HYCC1: variants seen among roughly 807,000 people sequenced by gnomAD.
HYCC1 encodes the protein hyccin PI4KA lipid kinase complex subunit 1.
chr7:22,931,527 G>A, the HYCC1 span, among the ~76,000 whole-genome samples: 1 of 152,168 alleles, frequency 6.6e-6, no homozygotes, highest in Admixed American at 6.6e-5. Flanking sequence ...GGTAGAGGCT[G>A]AAAGAATTTT....
the HYCC1 span, chr7:22,943,527 C>A: frequency 6.6e-6 from 1 of 152,116 alleles, no homozygotes; most frequent in South Asian, 2.1e-4. Context: ...AATGAGGTTC[C>A]ATTACAGTGA....
chr7:22,978,169 G>GA, the HYCC1 span: 2 of 1,134,054 alleles, frequency 1.8e-6, no homozygotes, highest in Non-Finnish European at 1.3e-6. Context: ...TTTGGTGTAT[G>GA]AAAAAACAAA....
At chr7:22,911,336 T>C in the HYCC1 span, among the ~76,000 whole-genome samples, 5 of 152,238 alleles carry the variant, frequency 3.3e-5, no homozygotes, top group African/African-American at 1.2e-4. Context: ...TTTGTTTTTA[T>C]ACCAAGCAAT....
chr7:23,009,628 T>C, the HYCC1 span, among the ~76,000 whole-genome samples: 1 of 152,136 alleles, frequency 6.6e-6, no homozygotes, highest in Non-Finnish European at 1.5e-5. Context: ...TTTTCCTATA[T>C]CCAAATCCTG....
the HYCC1 span, among the ~76,000 whole-genome samples, chr7:22,986,655 G>A: frequency 2.0e-5 from 3 of 152,126 alleles, no homozygotes; most frequent in Admixed American, 2.0e-4. Context: ...AGATCAGCCT[G>A]GCCAACATGG....
the HYCC1 span, chr7:22,945,342 C>T: frequency 1.8e-6 from 1 of 542,082 alleles, no homozygotes; most frequent in Admixed American, 3.2e-5. Flanking sequence ...GCAACAATAA[C>T]AAATAAGAGG....
At chr7:22,930,538 C>T in the HYCC1 span, among the ~76,000 whole-genome samples, 2 of 151,778 alleles carry the variant, frequency 1.3e-5, no homozygotes, top group African/African-American at 4.8e-5. Context: ...GTGAATTCTG[C>T]CAAACATTTA....
chr7:22,958,544 C>T, the HYCC1 span, among the ~76,000 whole-genome samples: 2 of 152,102 alleles, frequency 1.3e-5, no homozygotes, highest in South Asian at 2.1e-4. Context: ...AGACAGAGTG[C>T]TAACCCCTCA....
At chr7:22,996,744 AC>A in the HYCC1 span, among the ~76,000 whole-genome samples, 3 of 152,086 alleles carry the variant, frequency 2.0e-5, no homozygotes, top group Non-Finnish European at 4.4e-5. Context: ...GTTTCTCTCT[AC>A]CAGCAAGCAG....
At chr7:22,945,945 G>C in the HYCC1 span, 4 of 1,613,756 alleles carry the variant, frequency 2.5e-6, no homozygotes, top group Non-Finnish European at 3.4e-6. Context: ...CGAGCAAAGT[G>C]ATCTTTGCAA....
At chr7:22,999,813 A>C in the HYCC1 span, among the ~76,000 whole-genome samples, 1 of 152,168 alleles carries the variant, frequency 6.6e-6, no homozygotes. Context: ...CTGTGTCCTC[A>C]AGGCAATTGT....
At chr7:22,929,326 T>C in the HYCC1 span, among the ~76,000 whole-genome samples, 1 of 151,864 alleles carries the variant, frequency 6.6e-6, no homozygotes, top group African/African-American at 2.4e-5. Context: ...GCAACAAAAG[T>C]GAAAATTGAC....
the HYCC1 span, among the ~76,000 whole-genome samples, chr7:23,008,329 C>A: frequency 2.6e-5 from 4 of 151,990 alleles, no homozygotes; most frequent in Middle Eastern, 3.4e-3. Flanking sequence ...ATCAAATATA[C>A]CACTTGAAAA....
At chr7:22,934,286 A>G in the HYCC1 span, 1 of 142,444 alleles carries the variant, frequency 7.0e-6, no homozygotes, top group East Asian at 2.2e-4. Context: ...GAAAACAAGG[A>G]AAGTGCCAGG....
chr7:22,949,937 A>G, the HYCC1 span, among the ~76,000 whole-genome samples: 1 of 152,140 alleles, frequency 6.6e-6, no homozygotes, highest in Non-Finnish European at 1.5e-5. Context: ...TATTAAATTT[A>G]TAAGAAGAGC....
the HYCC1 span, among the ~76,000 whole-genome samples, chr7:23,006,700 T>C: frequency 6.6e-6 from 1 of 152,214 alleles, no homozygotes; most frequent in Non-Finnish European, 1.5e-5. Context: ...ACTCATATAT[T>C]ATGTTTTCAT....
chr7:22,982,648 C>G, the HYCC1 span, among the ~76,000 whole-genome samples: 10 of 152,270 alleles, frequency 6.6e-5, no homozygotes, highest in South Asian at 2.1e-3. Flanking sequence ...CTCCTCCTGA[C>G]GCTGCCCAAG....
At chr7:23,006,513 C>A in the HYCC1 span, among the ~76,000 whole-genome samples, 1 of 152,136 alleles carries the variant, frequency 6.6e-6, no homozygotes, top group Non-Finnish European at 1.5e-5. Context: ...GTGATCCACC[C>A]ACCTCGGCCT....
the HYCC1 span, among the ~76,000 whole-genome samples, chr7:22,930,271 A>C: frequency 3.3e-5 from 5 of 151,368 alleles, no homozygotes; most frequent in Non-Finnish European, 7.4e-5. Context: ...GCAGCACACC[A>C]ACATGGCACA....
Sources: gnomAD v4.1 joint callset for allele counts (sites outside exome capture counted in the v4.1 genomes callset) on GRCh38, gnomAD v4.1.1 for gene constraint, MANE v1.5 for transcripts, NCBI Gene and HGNC (gene_info 2026-07-23, HGNC 2026-07-21) for gene names.